NFATC3: variants seen among roughly 807,000 people sequenced by gnomAD.
The protein encoded by NFATC3 is nuclear factor of activated T cells 3.
In NFATC3, 46 loss-of-function variants were observed where a neutral mutation model predicts 98.6. That is an observed-to-expected ratio of 0.47 (90% CI 0.37 to 0.60). The LOEUF (loss-of-function observed/expected upper bound fraction) is 0.60, where lower values mean the gene tolerates loss of function less well. Ranked by LOEUF, NFATC3 falls within the 20% of genes least tolerant of loss-of-function variation. NFATC3 has a pLI of 0.00. For synonymous variants in NFATC3, 512 were observed against 472.2 expected (o/e 1.08, Z -1.09); for missense variants, 1,256 against 1,295.5 (o/e 0.97, Z 0.47).
At chr16:68,104,071 C>T (rs1392059453) in intron 1 of NFATC3, among the ~76,000 whole-genome samples, 1 of 152,142 alleles carries the variant, frequency 6.6e-6, no homozygotes, top group South Asian at 2.1e-4. Flanking sequence ...TTTTCCATTT[C>T]TCTAGAAAAG....
intron 1 of NFATC3, among the ~76,000 whole-genome samples, chr16:68,108,647 A>T (rs1304197546): frequency 1.3e-5 from 2 of 152,170 alleles, no homozygotes; most frequent in Non-Finnish European, 2.9e-5. Context: ...AGTAGCATTG[A>T]ATCTATAATT....
chr16:68,173,608 TA>T (rs2039563899), intron 5 of NFATC3, among the ~76,000 whole-genome samples: 1 of 152,120 alleles, frequency 6.6e-6, no homozygotes, highest in Admixed American at 6.6e-5. Flanking sequence ...AAGAAAGGCT[TA>T]CTTGGTGTTT....
chr16:68,110,827 A>G (rs865839449), intron 1 of NFATC3, among the ~76,000 whole-genome samples: 2 of 152,088 alleles, frequency 1.3e-5, no homozygotes, highest in Admixed American at 6.6e-5. Flanking sequence ...TGCTTTAGCT[A>G]TATCCCAGAG....
chr16:68,123,193 C>T, intron 2 of NFATC3, 72 bp downstream of exon 2: 2 of 1,460,406 alleles, frequency 1.4e-6, no homozygotes, highest in African/African-American at 2.8e-5. Context: ...ACTACATTAT[C>T]AGTATATAAT....
chr16:68,152,570 G>A (rs1049838267), intron 3 of NFATC3, among the ~76,000 whole-genome samples: 12 of 152,004 alleles, frequency 7.9e-5, no homozygotes, highest in African/African-American at 2.7e-4. Context: ...GAGTGTAGTC[G>A]TGCAATCATA....
intron 9 of NFATC3, among the ~76,000 whole-genome samples, chr16:68,194,921 A>G (rs1267937517): frequency 6.6e-6 from 1 of 152,146 alleles, no homozygotes; most frequent in Non-Finnish European, 1.5e-5. Context: ...CTGTAAAAGC[A>G]ATTTTATTTT....
intron 3 of NFATC3, among the ~76,000 whole-genome samples, chr16:68,139,232 T>C (rs2037618071): frequency 6.6e-6 from 1 of 152,208 alleles, no homozygotes; most frequent in Non-Finnish European, 1.5e-5. Context: ...TTTTTCTTTA[T>C]AAAATGAGAA....
At chr16:68,205,234 T>C (rs1399824572) in intron 9 of NFATC3, among the ~76,000 whole-genome samples, 1 of 152,110 alleles carries the variant, frequency 6.6e-6, no homozygotes, top group Non-Finnish European at 1.5e-5. Context: ...TTTTAACATT[T>C]TAAATGTGTT....
At chr16:68,130,048 A>C (rs956978154) in intron 3 of NFATC3, among the ~76,000 whole-genome samples, 1 of 152,110 alleles carries the variant, frequency 6.6e-6, no homozygotes, top group Non-Finnish European at 1.5e-5. Context: ...AAATCCATTC[A>C]TCCACTGACG....
At chr16:68,214,466 T>A in intron 9 of NFATC3, 1 of 1,584,518 alleles carries the variant, frequency 6.3e-7, no homozygotes, top group Non-Finnish European at 8.7e-7. Flanking sequence ...ATTGTTTTTG[T>A]GCCCAAGTCT....
intron 9 of NFATC3, among the ~76,000 whole-genome samples, chr16:68,224,039 G>GAT (rs1405422089): frequency 1.3e-5 from 2 of 149,172 alleles, no homozygotes; most frequent in African/African-American, 2.5e-5. Flanking sequence ...GAGGACAGGA[G>GAT]ATCGAGACCG....
At chr16:68,117,534 G>A (rs1327999454) in intron 1 of NFATC3, among the ~76,000 whole-genome samples, 1 of 152,030 alleles carries the variant, frequency 6.6e-6, no homozygotes, top group Non-Finnish European at 1.5e-5. Context: ...TTTAGACAGG[G>A]TCTTGCTCTG....
chr16:68,219,105 A>G (rs13339471), intron 9 of NFATC3, among the ~76,000 whole-genome samples: 32,867 of 149,046 alleles, frequency 0.22, 4,123 homozygotes, highest in African/African-American at 0.34. Context: ...AATCAGCTGG[A>G]CCAGGCGCGG....
At chr16:68,104,993 A>G (rs958807417) in intron 1 of NFATC3, among the ~76,000 whole-genome samples, 3 of 151,820 alleles carry the variant, frequency 2.0e-5, no homozygotes, top group Non-Finnish European at 2.9e-5. Flanking sequence ...GTTTACTTCT[A>G]TTCCTAGTTT....
intron 1 of NFATC3, among the ~76,000 whole-genome samples, chr16:68,120,558 G>C (rs918425419): frequency 6.9e-6 from 1 of 144,152 alleles, no homozygotes; most frequent in Non-Finnish European, 1.5e-5. Context: ...AAGCCAGAGA[G>C]AGACTCTGTC....
chr16:68,098,639 G>A (rs1411536309), intron 1 of NFATC3, among the ~76,000 whole-genome samples: 1 of 152,116 alleles, frequency 6.6e-6, no homozygotes, highest in Non-Finnish European at 1.5e-5. Context: ...GTTTTCCAAA[G>A]TGGTTATATC....
intron 3 of NFATC3, among the ~76,000 whole-genome samples, chr16:68,139,132 A>C (rs1306543923): frequency 6.6e-6 from 1 of 152,246 alleles, no homozygotes; most frequent in African/African-American, 2.4e-5. Context: ...ATGAGTAAAT[A>C]AACAAAACAT....
chr16:68,112,262 T>G (rs899501448), intron 1 of NFATC3, among the ~76,000 whole-genome samples: 16 of 148,626 alleles, frequency 1.1e-4, no homozygotes, highest in African/African-American at 3.7e-4. Context: ...CAGTTGTAGG[T>G]TCAGTCTTTT....
chr16:68,085,747 G>A lies in NFATC3; in HGVS notation c.66G>A (p.Gly22=), dbSNP rs1466735752. 6.6e-7 allele frequency: 1 copy of A among 1,505,208 alleles called. No homozygotes were observed. Among genetic ancestry groups the A allele is most frequent in the Non-Finnish European group, 8.8e-7 (1 of 1,131,132 alleles). 93.2% of individuals were successfully genotyped at this position (1,505,208 alleles called of 1,614,324 possible). The change falls in exon 1 of 10, where the codon GGG becomes GGA. Residue 22 remains glycine, a synonymous_variant. Coordinates refer to ENST00000346183, the MANE Select transcript of NFATC3 (RefSeq NM_173165.3). ...TCAAACTCGTCTTTGGCGAGGACGG[G>A]GCGCCGGCGCCGCCGCCCCCGGGCT... ...LDFKLVFGED[G]APAPPPPGSR... is the part of the protein sequence containing the mutation.
Sources: allele counts gnomAD v4.1 joint callset (sites outside exome capture counted in the v4.1 genomes callset), GRCh38; gene constraint gnomAD v4.1.1; transcripts MANE v1.5; gene names NCBI Gene and HGNC (gene_info 2026-07-23, HGNC 2026-07-21).